CNTNAP5: variants seen among roughly 807,000 people sequenced by gnomAD.
CNTNAP5 encodes the protein contactin-associated protein-like 5.
A neutral mutation model predicts 150.2 loss-of-function variants in CNTNAP5; 72 were observed. The ratio of observed to expected loss-of-function variants is 0.48; its 90% CI spans 0.40 to 0.58. The LOEUF (loss-of-function observed/expected upper bound fraction) is 0.58, where lower values mean the gene tolerates loss of function less well. CNTNAP5 is among the 20% of genes least tolerant of loss of function. The pLI, the probability that CNTNAP5 is intolerant of heterozygous loss-of-function variation, is 0.00. For synonymous variants in CNTNAP5, 672 were observed against 619.8 expected (o/e 1.08, Z -1.25); for missense variants, 1,636 against 1,626.2 (o/e 1.01, Z -0.10).
chr2:124,324,690 G>C (rs917715350), intron 3 of CNTNAP5, among the ~76,000 whole-genome samples: 2 of 152,176 alleles, frequency 1.3e-5, no homozygotes, highest in African/African-American at 2.4e-5. Flanking sequence ...AGTGCAAGGA[G>C]GAGGAGACAG....
intron 13 of CNTNAP5, among the ~76,000 whole-genome samples, chr2:124,702,701 A>T (rs1481495497): frequency 6.6e-6 from 1 of 152,130 alleles, no homozygotes; most frequent in Admixed American, 6.6e-5. Context: ...CAGCACGAGG[A>T]AAAGAGAATT....
At chr2:124,489,662 G>A (rs1486689424) in intron 7 of CNTNAP5, among the ~76,000 whole-genome samples, 1 of 152,038 alleles carries the variant, frequency 6.6e-6, no homozygotes, top group African/African-American at 2.4e-5. Context: ...CTAAAATATA[G>A]GATTTTCAGC....
chr2:124,917,931 A>AT lies in CNTNAP5; in HGVS notation c.*3649dup, dbSNP rs1678802933. 6.6e-6 allele frequency among the ~76,000 whole-genome samples: 1 copy of AT among 152,044 alleles called. No individual in the cohort carries two copies. The highest frequency in any genetic ancestry group is 2.4e-5 in the African/African-American group (1 of 41,438). On this transcript the variant is annotated 3_prime_UTR_variant, in exon 24 of 24. Coordinates refer to ENST00000682447, the MANE Select transcript of CNTNAP5 (RefSeq NM_001367498.1). ...TGTAAATTTCTGGGAAATATCTGTT[A>AT]TTTTTTAAATTACTGCTTCCACCTT... is the stretch of plus-strand genomic sequence containing the variant.
rs12105633 is a variant in CNTNAP5, at chr2:124,272,242, C to T, written c.381+29849C>T. ...TGAGATATTTTTAGTTTTCCCAATT[C>T]CTGATCTGGACTTCCAGTTTTCATT... On this transcript the variant is annotated intron_variant, in intron 3 of 23. Transcript: ENST00000682447. Among the ~76,000 whole-genome samples, 282 of 152,208 alleles carry T rather than the reference C, an allele frequency of 1.9e-3. 1 individual carries two copies. Among genetic ancestry groups the T allele is most frequent in the African/African-American group, 6.7e-3 (278 of 41,540 alleles).
At chr2:124,830,163 A>G (rs1315767352) in intron 19 of CNTNAP5, among the ~76,000 whole-genome samples, 1 of 151,962 alleles carries the variant, frequency 6.6e-6, no homozygotes, top group Admixed American at 6.6e-5. Flanking sequence ...TTTAATCAAA[A>G]AGACTTAATT....
intron 1 of CNTNAP5, among the ~76,000 whole-genome samples, chr2:124,102,272 G>A (rs939051246): frequency 6.6e-6 from 1 of 152,186 alleles, no homozygotes; most frequent in Non-Finnish European, 1.5e-5. Context: ...AAAGAAAAGA[G>A]TAATAGTAAG....
intron 12 of CNTNAP5, among the ~76,000 whole-genome samples, chr2:124,629,922 TA>T (rs2105007796): frequency 1.5e-5 from 1 of 68,696 alleles, no homozygotes; most frequent in East Asian, 4.2e-4. Context: ...GAGAATACTA[TA>T]AACACCTCTA....
chr2:124,408,543 G>A (rs2553621), intron 3 of CNTNAP5, among the ~76,000 whole-genome samples: 4 of 150,466 alleles, frequency 2.7e-5, no homozygotes, highest in Non-Finnish European at 4.4e-5. Flanking sequence ...ATCTGAGAAC[G>A]GGCAGACTGC....
chr2:124,337,963 G>T (rs1689518865), intron 3 of CNTNAP5, among the ~76,000 whole-genome samples: 1 of 152,162 alleles, frequency 6.6e-6, no homozygotes, highest in South Asian at 2.1e-4. Context: ...GGGCAGTGTG[G>T]CCATTTTCAT....
In CNTNAP5 at chr2:124,653,973, G is replaced by T. The variant is rs564762502; in HGVS notation, c.2077+6015G>T. ...GTTGAAAGTGATGCTGAAAGGTCCA[G>T]AAGGACAAATGACTAGAGTATCAGT... On this transcript the variant is annotated intron_variant, in intron 13 of 23. Transcript: ENST00000682447. 2.3e-5 allele frequency among the ~76,000 whole-genome samples: 3 copies of T among 127,764 alleles called. No individual in the cohort carries two copies. In the South Asian group the frequency reaches 7.6e-4, roughly 32 times the overall value. 83.8% of individuals were successfully genotyped at this position (127,764 alleles called of 152,430 possible).
At chr2:124,413,479 C>G (rs887178310) in intron 3 of CNTNAP5, among the ~76,000 whole-genome samples, 4 of 133,316 alleles carry the variant, frequency 3.0e-5, no homozygotes, top group African/African-American at 5.7e-5. Context: ...TTGGAACCAA[C>G]CCAAATGTCC....
At chr2:124,855,643 G>A (rs1455847779) in intron 19 of CNTNAP5, among the ~76,000 whole-genome samples, 1 of 152,104 alleles carries the variant, frequency 6.6e-6, no homozygotes, top group Non-Finnish European at 1.5e-5. Context: ...TTTACCCTAA[G>A]TCCCAGCTCA....
intron 4 of CNTNAP5, among the ~76,000 whole-genome samples, chr2:124,432,164 C>T (rs1221425743): frequency 6.6e-6 from 1 of 152,180 alleles, no homozygotes; most frequent in Non-Finnish European, 1.5e-5. Context: ...ACCCAAAGTT[C>T]AGATGCAATA....
intron 19 of CNTNAP5, among the ~76,000 whole-genome samples, chr2:124,823,498 A>G (rs1323045241): frequency 6.6e-6 from 1 of 152,218 alleles, no homozygotes; most frequent in African/African-American, 2.4e-5. Context: ...GTTGACAAGC[A>G]TCTGTTTAAC....
chr2:124,480,361 T>C (rs1693735779), intron 7 of CNTNAP5, among the ~76,000 whole-genome samples: 2 of 152,234 alleles, frequency 1.3e-5, no homozygotes, highest in Admixed American at 6.5e-5. Flanking sequence ...TCTTGAAGTA[T>C]GTTGCCCTTC....
chr2:124,091,590 A>G (rs779452591), intron 1 of CNTNAP5, among the ~76,000 whole-genome samples: 5 of 152,198 alleles, frequency 3.3e-5, no homozygotes, highest in Admixed American at 6.5e-5. Context: ...TAGCTTTCCA[A>G]TAACTGTGAG....
At chr2:124,399,870 A>G (rs542050501) in intron 3 of CNTNAP5, among the ~76,000 whole-genome samples, 6 of 152,230 alleles carry the variant, frequency 3.9e-5, no homozygotes, top group African/African-American at 1.4e-4. Flanking sequence ...TCTCTGAAGC[A>G]CTCTAGCCTG....
chr2:124,291,051 T>G (rs1178247727), intron 3 of CNTNAP5, among the ~76,000 whole-genome samples: 1 of 152,176 alleles, frequency 6.6e-6, no homozygotes, highest in East Asian at 1.9e-4. Context: ...TGAGCAGAGA[T>G]ATAAATGCCA....
intron 19 of CNTNAP5, among the ~76,000 whole-genome samples, chr2:124,829,770 T>C (rs898412420): frequency 2.6e-5 from 4 of 151,930 alleles, no homozygotes; most frequent in Non-Finnish European, 5.9e-5. Flanking sequence ...AAAATAATAC[T>C]GTGGATGATG....
Sources: allele counts gnomAD v4.1 joint callset (sites outside exome capture counted in the v4.1 genomes callset), GRCh38; gene constraint gnomAD v4.1.1; transcripts MANE v1.5; gene names NCBI Gene and HGNC (gene_info 2026-07-23, HGNC 2026-07-21).